Variants in SNAPC4 observed in about 807,000 individuals in gnomAD.
SNAPC4 encodes the protein snRNA-activating protein complex subunit 4.
SNAPC4 carries 127 observed loss-of-function variants against 151.3 expected under a neutral mutation model. The ratio of observed to expected loss-of-function variants is 0.84; its 90% CI spans 0.73 to 0.97. The LOEUF (loss-of-function observed/expected upper bound fraction) is 0.97, where lower values mean the gene tolerates loss of function less well. Ranked by LOEUF, SNAPC4 falls within the 50% of genes least tolerant of loss-of-function variation. The probability of loss-of-function intolerance (pLI) is 0.00; values close to 1 mark genes in which losing one functional copy is unlikely to be tolerated. For missense variants in SNAPC4, 2,186 were observed against 1,935.0 expected, an observed-to-expected ratio of 1.13 and a Z score of -2.43; for synonymous variants, 1,002 against 824.4, an observed-to-expected ratio of 1.22 and a Z score of -3.69.
rs2131511137 is a variant in SNAPC4 at position 136,394,345 on chromosome 9, C to T, written c.551-15G>A. 6.2e-7 allele frequency: 1 copy of T among 1,607,520 alleles called. No individual in the cohort carries two copies. On this transcript the variant is annotated splice_polypyrimidine_tract_variant and intron_variant, in intron 6 of 23. Transcript: ENST00000684778. ...CCAGTTTTTCCCTGAGGAGAAGCCA[C>T]AGCATCATCACTGGGGGTCTGGATC...
At chr9:136,385,204 G>C (rs947636018) in intron 13 of SNAPC4, among the ~76,000 whole-genome samples, 8 of 152,182 alleles carry the variant, frequency 5.3e-5, no homozygotes, top group African/African-American at 1.9e-4. Flanking sequence ...CTCCACATCA[G>C]CCACAGGGAA....
chr9:136,380,433 TGA>T (rs1833646160), intron 20 of SNAPC4, among the ~76,000 whole-genome samples: 1 of 152,078 alleles, frequency 6.6e-6, no homozygotes, highest in Admixed American at 6.5e-5. Context: ...TGAACTTCTG[TGA>T]GTTTGGTTTC....
At chr9:136,391,654 G>GAAGAAGACTAGAAATAAGA (rs1357802823) in intron 10 of SNAPC4, among the ~76,000 whole-genome samples, 3 of 152,058 alleles carry the variant, frequency 2.0e-5, no homozygotes, top group African/African-American at 7.2e-5. Context: ...GATGGAGACA[G>GAAGAAGACTAGAAATAAGA]AAGAAGACTA....
Position 136,379,010 on chromosome 9 carries a change from G to A in SNAPC4, c.2817C>T (p.Gly939=). ...AGACGGTGGGACCCGGGGCTGGGCG[G>A]CCGTGTGGGGTGTGTGGTAGAGGGG... ...LQPPLPHTPH[G]RPAPGPTVLN... The change falls in exon 22 of 24, where the codon GGC becomes GGT. Residue 939 remains glycine, a synonymous_variant. Coordinates refer to ENST00000684778, the MANE Select transcript of SNAPC4 (RefSeq NM_003086.4). 6.2e-7 allele frequency: 1 copy of A among 1,604,906 alleles called. No individual in the cohort carries two copies. Among genetic ancestry groups the A allele is most frequent in the Non-Finnish European group, 8.5e-7 (1 of 1,176,792 alleles).
At position 136,383,632 on chromosome 9, in the gene SNAPC4, G is replaced by C; in HGVS notation, c.1537C>G (p.Arg513Gly). ...GTAGAGCTCCACCGGACGCTGTGACGGGCCCTCCGCCGCCGCCTCCGGAGA... is the reference window on the plus strand; with the variant it reads ...GTAGAGCTCCACCGGACGCTGTGACCGGCCCTCCGCCGCCGCCTCCGGAGA... The part of the protein sequence containing the change: ...QGLRRRRRRA[R>G]HSVRWSSTSS... Residue 513 changes from arginine to glycine, a missense_variant, in exon 16 of 24, where the codon CGT becomes GGT. Transcript: ENST00000684778. The surrounding 1 kb of genome is among the most constrained non-coding windows in gnomAD (Gnocchi z 4.2). 1 of 1,610,420 alleles carries C rather than the reference G, an allele frequency of 6.2e-7. No homozygotes were observed. The highest frequency in any genetic ancestry group is 8.5e-7 in the Non-Finnish European group (1 of 1,178,454).
chr9:136,397,119 T>C (rs1834301291), intron 2 of SNAPC4, 96 bp from the exon 3 acceptor site: 1 of 1,089,840 alleles, frequency 9.2e-7, no homozygotes, highest in East Asian at 2.4e-5. Context: ...CCTGGGGTTG[T>C]GAGGTAGTGA....
rs1834116261 is a variant in SNAPC4 at position 136,392,544 on chromosome 9, C to G, written c.788G>C (p.Trp263Ser). ...TACGTTAATATTGGAAATCTTCTCCCAGTCGTGGCTGTCCAGCCTGTTTCC... is the reference window on the plus strand; with the variant it reads ...TACGTTAATATTGGAAATCTTCTCCGAGTCGTGGCTGTCCAGCCTGTTTCC... ...LLGNRLDSHD[W>S]EKISNINFEG... The change falls in exon 9 of 24, where the codon TGG becomes TCG. Residue 263 changes from tryptophan to serine, a missense_variant. Coordinates refer to ENST00000684778, the MANE Select transcript of SNAPC4 (RefSeq NM_003086.4). 6.2e-7 allele frequency: 1 copy of G among 1,613,790 alleles called. No homozygotes were observed. Among genetic ancestry groups the G allele is most frequent in the Admixed American group, 1.7e-5 (1 of 60,008 alleles).
chr9:136,392,180 C>G (rs528801268), intron 9 of SNAPC4, 74 bp from the exon 10 acceptor site: 342 of 1,568,790 alleles, frequency 2.2e-4, no homozygotes, highest in Non-Finnish European at 2.9e-4. Context: ...CCAGGCTGAG[C>G]TGTTGCTCTC....
chr9:136,398,294 CT>C lies in SNAPC4; in HGVS notation c.130+4del. The C allele has an allele frequency of 1.2e-6, 2 of 1,612,352 alleles. No individual in the cohort carries two copies. Among genetic ancestry groups the C allele is most frequent in the Non-Finnish European group, 1.7e-6 (2 of 1,178,774 alleles). ...ACCCCAGGAGGCTAGGTACAAGGGG[CT>C]TACCTGCTTCAGAATCTGACTCGAG... On this transcript the variant is annotated splice_donor_region_variant and intron_variant, in intron 2 of 23. Transcript: ENST00000684778.
chr9:136,389,045 C>T (rs1020052922), intron 10 of SNAPC4, among the ~76,000 whole-genome samples: 4 of 152,146 alleles, frequency 2.6e-5, no homozygotes, highest in African/African-American at 4.8e-5. Context: ...GGAGGAGGTA[C>T]GGGACAGCCC....
At position 136,392,733 on chromosome 9, in the gene SNAPC4, A is replaced by G; in HGVS notation, c.677T>C (p.Leu226Pro). Residue 226 changes from leucine to proline, a missense_variant, in exon 8 of 24, where the codon CTG becomes CCG. Leu to Pro is a moderately conservative substitution (Grantham distance 98). Transcript: ENST00000684778. ...CTGCTTCTCCAGGGCTTGCCTCTCC[A>G]GCTCACTGGAGACTTTGCTCTGCTT... ...HQKQSKVSSELERQALEKQGR... is the reference protein window; with the variant it reads ...HQKQSKVSSEPERQALEKQGR... 1.9e-6 allele frequency: 3 copies of G among 1,613,568 alleles called. No individual in the cohort carries two copies. The highest frequency in any genetic ancestry group is 2.5e-6 in the Non-Finnish European group (3 of 1,179,992).
intron 22 of SNAPC4, 21 bp from the exon 23 acceptor site, chr9:136,376,502 T>G (rs776074172): frequency 6.8e-6 from 11 of 1,611,944 alleles, no homozygotes. Context: ...ATCCAGGCAG[T>G]GGGGACAAGA....
Position 136,392,677 on chromosome 9 carries a change from T to C in SNAPC4, c.733A>G (p.Ile245Val), listed in dbSNP as rs145158126. ...GREAEKEIQD[I>V]NQLPEEALLG... is the part of the protein sequence containing the mutation. ...CTCCCGGGAGGCCCCCCTCACTTGA[T>C]GTCCTGGATCTCCTTCTCGGCTTCC... Residue 245 changes from isoleucine to valine, a missense_variant, in exon 8 of 24, where the codon ATC becomes GTC. By Grantham distance (29) the Ile-to-Val change is conservative. Coordinates refer to ENST00000684778, the MANE Select transcript of SNAPC4 (RefSeq NM_003086.4). The C allele has an allele frequency of 1.2e-5, 20 of 1,613,726 alleles. No homozygotes were observed. Among genetic ancestry groups the C allele is most frequent in the Non-Finnish European group, 1.6e-5 (19 of 1,179,948 alleles).
Position 136,377,910 on chromosome 9 carries a change from G to T in SNAPC4, c.3917C>A (p.Pro1306Gln). ...CAGAGCTCGCAGGCTGCACAGGGCTGGGGGCTGATAGGGCAGTCTGCTGCC... is the reference window on the plus strand; with the variant it reads ...CAGAGCTCGCAGGCTGCACAGGGCTTGGGGCTGATAGGGCAGTCTGCTGCC... Reference protein sequence around the residue: ...LLGSRLPYQPPALCSLRALSG... With the variant: ...LLGSRLPYQPQALCSLRALSG... The change falls in exon 22 of 24, where the codon CCA becomes CAA. Residue 1306 changes from proline to glutamine, a missense_variant. By Grantham distance (76) the Pro-to-Gln change is moderately conservative. Coordinates refer to ENST00000684778, the MANE Select transcript of SNAPC4 (RefSeq NM_003086.4). 3.1e-6 allele frequency: 5 copies of T among 1,610,888 alleles called. No homozygotes were observed. Among genetic ancestry groups the T allele is most frequent in the Non-Finnish European group, 4.2e-6 (5 of 1,179,574 alleles).
intron 1 of SNAPC4, among the ~76,000 whole-genome samples, 152 bp downstream of exon 1, chr9:136,399,982 C>G (rs1045209491): frequency 5.9e-5 from 9 of 152,146 alleles, no homozygotes; most frequent in African/African-American, 1.9e-4. Context: ...GGACGGGGGC[C>G]ACGCCGGGCC....
intron 7 of SNAPC4, among the ~76,000 whole-genome samples, chr9:136,393,112 T>C (rs1834138678): frequency 6.6e-6 from 1 of 152,182 alleles, no homozygotes; most frequent in Admixed American, 6.5e-5. Flanking sequence ...ATATCCTGAC[T>C]GGTGCCCAGT....
chr9:136,388,074 C>A (rs1340107353), intron 11 of SNAPC4, among the ~76,000 whole-genome samples: 3 of 152,136 alleles, frequency 2.0e-5, no homozygotes, highest in Non-Finnish European at 4.4e-5. Context: ...TCGAGACCAG[C>A]CTGACCAACA....
rs868159713 is a variant in SNAPC4 at position 136,383,404 on chromosome 9, C to A, written c.1765G>T (p.Ala589Ser). 6.4e-7 allele frequency: 1 copy of A among 1,574,290 alleles called. No homozygotes were observed. ...TSQPWRGGAG[A>S]WLGGPAASLS... ...GAGGCAGCGGGGCCTCCCAGCCAGG[C>A]CCCTGCCCCTCCTCTCCATGGCTGG... Residue 589 changes from alanine (A) to serine (S), a missense_variant, in exon 16 of 24, where the codon GCC (alanine) becomes TCC (serine). By Grantham distance (99) the Ala-to-Ser change is moderately conservative (BLOSUM62 1). Coordinates refer to ENST00000684778, the MANE Select transcript of SNAPC4 (RefSeq NM_003086.4). This position sits in a 1 kb window ranked among gnomAD's most constrained non-coding sequence, Gnocchi z 4.2.
Position 136,387,792 on chromosome 9 carries a change from T to C in SNAPC4, c.1180A>G (p.Ser394Gly). 6.2e-7 allele frequency: 1 copy of C among 1,613,108 alleles called. No individual in the cohort carries two copies. The highest frequency in any genetic ancestry group is 8.5e-7 in the Non-Finnish European group (1 of 1,179,248). ...SMQLIYRWTKSLDPGLKKGYW... is the reference protein window; with the variant it reads ...SMQLIYRWTKGLDPGLKKGYW... ...CCCTTCTTCAGACCAGGATCCAAGC[T>C]CTTGGTCCATCGGTAGATCAGCTGC... The change falls in exon 12 of 24, where the codon AGC (serine) becomes GGC (glycine). Residue 394 changes from serine (S) to glycine (G), a missense_variant. By Grantham distance (56) the Ser-to-Gly change is moderately conservative. Coordinates refer to ENST00000684778, the MANE Select transcript of SNAPC4 (RefSeq NM_003086.4).
Sources: gnomAD v4.1 joint callset for allele counts (sites outside exome capture counted in the v4.1 genomes callset) on GRCh38, gnomAD v4.1.1 for gene constraint, Gnocchi (gnomAD v3.1) non-coding constraint, MANE v1.5 for transcripts, NCBI Gene and HGNC (gene_info 2026-07-23, HGNC 2026-07-21) for gene names.